Variants in NKAIN3 observed in about 807,000 individuals in gnomAD.
NKAIN3 encodes sodium/potassium transporting ATPase interacting 3.
NKAIN3 carries 25 observed loss-of-function variants against 30.2 expected under a neutral mutation model. The ratio of observed to expected loss-of-function variants is 0.83; its 90% CI spans 0.60 to 1.16. The LOEUF (loss-of-function observed/expected upper bound fraction) is 1.16. NKAIN3 is among the 50% of genes most tolerant of loss of function. The pLI is 0.00. For synonymous variants in NKAIN3, 91 were observed against 89.6 expected (o/e 1.02, Z -0.09); for missense variants, 225 against 254.1 (o/e 0.89, Z 0.78).
chr8:62,552,841 G>A (rs1809259505), intron 1 of NKAIN3, among the ~76,000 whole-genome samples: 1 of 152,188 alleles, frequency 6.6e-6, no homozygotes, highest in African/African-American at 2.4e-5. Flanking sequence ...GAAAGCAGAG[G>A]TAGAAAGAAA....
intron 1 of NKAIN3, among the ~76,000 whole-genome samples, chr8:62,495,083 G>A (rs1349627017): frequency 6.6e-6 from 1 of 151,948 alleles, no homozygotes; most frequent in Admixed American, 6.6e-5. Flanking sequence ...TTATTGCATG[G>A]TTATTTCCTG....
At chr8:62,890,606 A>G (rs866606621) in intron 4 of NKAIN3, among the ~76,000 whole-genome samples, 12 of 152,378 alleles carry the variant, frequency 7.9e-5, no homozygotes, top group Middle Eastern at 6.8e-3. Context: ...GTATATAAAC[A>G]AAGAATTAGC....
At chr8:62,772,421 C>T (rs116764393) in intron 4 of NKAIN3, among the ~76,000 whole-genome samples, 2,550 of 152,242 alleles carry the variant, frequency 0.017, 70 homozygotes, top group African/African-American at 0.059. Context: ...AAGTCTTCTC[C>T]ACAGTAGTTG....
At chr8:62,897,744 G>A (rs1229508799) in intron 4 of NKAIN3, among the ~76,000 whole-genome samples, 1 of 152,148 alleles carries the variant, frequency 6.6e-6, no homozygotes, top group East Asian at 1.9e-4. Context: ...TTGGGAGTAA[G>A]TGACTTCTCA....
intron 4 of NKAIN3, among the ~76,000 whole-genome samples, chr8:62,861,718 G>A (rs1436596943): frequency 6.6e-6 from 1 of 152,206 alleles, no homozygotes; most frequent in African/African-American, 2.4e-5. Flanking sequence ...ATCCCATGGA[G>A]AATTTAATGA....
At chr8:62,915,583 G>A (rs1822070776) in intron 4 of NKAIN3, among the ~76,000 whole-genome samples, 1 of 152,144 alleles carries the variant, frequency 6.6e-6, no homozygotes, top group African/African-American at 2.4e-5. Flanking sequence ...TAAGTTTGCA[G>A]CAATCTCTTA....
At chr8:62,891,713 AT>A (rs1325819832) in intron 4 of NKAIN3, among the ~76,000 whole-genome samples, 3 of 152,136 alleles carry the variant, frequency 2.0e-5, no homozygotes, top group Admixed American at 2.0e-4. Context: ...TCACATGGTA[AT>A]TTTACTATTT....
chr8:62,852,550 T>C, intron 4 of NKAIN3, among the ~76,000 whole-genome samples: 1 of 152,206 alleles, frequency 6.6e-6, no homozygotes, highest in Middle Eastern at 3.2e-3. Flanking sequence ...GATATTAGGG[T>C]ATCAATTTTA....
At chr8:62,333,595 T>C (rs916516531) in intron 1 of NKAIN3, among the ~76,000 whole-genome samples, 2 of 152,092 alleles carry the variant, frequency 1.3e-5, no homozygotes, top group African/African-American at 4.8e-5. Context: ...GGAGACTTAC[T>C]AAGTATGGAC....
chr8:62,258,916 A>G (rs1401270481), intron 1 of NKAIN3, among the ~76,000 whole-genome samples: 1 of 152,142 alleles, frequency 6.6e-6, no homozygotes, highest in African/African-American at 2.4e-5. Context: ...AGAATCCAGG[A>G]GACAAGCAGA....
chr8:62,553,543 T>TC (rs1177757853), intron 1 of NKAIN3, among the ~76,000 whole-genome samples: 1 of 151,684 alleles, frequency 6.6e-6, no homozygotes, highest in Admixed American at 6.6e-5. Context: ...TGAACACTTT[T>TC]TTTTTTTTTT....
At chr8:62,434,686 T>A (rs1805115562) in intron 1 of NKAIN3, among the ~76,000 whole-genome samples, 1 of 152,186 alleles carries the variant, frequency 6.6e-6, no homozygotes, top group East Asian at 1.9e-4. Context: ...GATGCCACTG[T>A]ATTAATGCTA....
chr8:62,765,222 G>GAT (rs1816793818), intron 4 of NKAIN3, among the ~76,000 whole-genome samples: 2 of 136,718 alleles, frequency 1.5e-5, no homozygotes, highest in Non-Finnish European at 3.1e-5. Flanking sequence ...ACTCCAGCCT[G>GAT]GGTGATGGTG....
At chr8:62,753,956 C>G (rs538810009) in intron 4 of NKAIN3, among the ~76,000 whole-genome samples, 1 of 151,970 alleles carries the variant, frequency 6.6e-6, no homozygotes, top group South Asian at 2.1e-4. Context: ...ATATATAAAA[C>G]ATGAAACAGT....
intron 4 of NKAIN3, among the ~76,000 whole-genome samples, chr8:62,789,207 C>A (rs1366691446): frequency 2.0e-5 from 3 of 151,870 alleles, no homozygotes; most frequent in Non-Finnish European, 4.4e-5. Context: ...CTTTTATTTC[C>A]TTGAGCAGTG....
At chr8:62,358,541 A>G (rs547664497) in intron 1 of NKAIN3, among the ~76,000 whole-genome samples, 1 of 152,288 alleles carries the variant, frequency 6.6e-6, no homozygotes, top group South Asian at 2.1e-4. Context: ...TTTCTTATAT[A>G]TGAGTAATAG....
At chr8:62,269,322 C>A (rs1160367136) in intron 1 of NKAIN3, among the ~76,000 whole-genome samples, 1 of 152,198 alleles carries the variant, frequency 6.6e-6, no homozygotes. Context: ...TCAAACACTT[C>A]TTTGCAACAC....
Position 62,312,190 on chromosome 8 carries a change from AGAT to A in NKAIN3, c.54+63067_54+63069del, listed in dbSNP as rs760048511. Among the ~76,000 whole-genome samples, 60 of 150,854 alleles carry A rather than the reference AGAT, an allele frequency of 4.0e-4. 1 individual carries two copies. Among genetic ancestry groups the A allele is most frequent in the South Asian group, 1.9e-3 (9 of 4,830 alleles). ...GACTTCCTTCATGTCTTTTTGAAAT[AGAT>A]GATATTGATTAATTCAATGGATACT... On this transcript the variant is annotated intron_variant, in intron 1 of 6. Coordinates refer to ENST00000623646, the MANE Select transcript of NKAIN3 (RefSeq NM_001304533.3).
Position 62,984,199 on chromosome 8 carries a change from T to A in NKAIN3, c.*18792T>A, listed in dbSNP as rs570679287. 1 of 152,310 alleles carries A rather than the reference T, an allele frequency of 6.6e-6. No homozygotes were observed. Among genetic ancestry groups the A allele is most frequent in the East Asian group, 1.9e-4 (1 of 5,180 alleles). 9.4% of individuals were successfully genotyped at this position (152,310 alleles called of 1,614,324 possible). A position where few individuals can be genotyped will look rare whatever the true frequency, so the allele number is the denominator to read the frequency against. ...TTTTTGTTGCTGTGACTGACAGAAC[T>A]AAAGGGAGTTTGCTCTCACATTCAC... On this transcript the variant is annotated 3_prime_UTR_variant, in exon 7 of 7. Transcript: ENST00000623646.
Sources: allele counts gnomAD v4.1 joint callset (sites outside exome capture counted in the v4.1 genomes callset), GRCh38; gene constraint gnomAD v4.1.1; transcripts MANE v1.5; gene names NCBI Gene and HGNC (gene_info 2026-07-23, HGNC 2026-07-21).